GPM6A: variants seen among roughly 807,000 people sequenced by gnomAD.
GPM6A encodes the protein neuronal membrane glycoprotein M6-a.
In GPM6A, 7 loss-of-function variants were observed where a neutral mutation model predicts 32.1. The ratio of observed to expected loss-of-function variants is 0.22; its 90% CI spans 0.12 to 0.41. The LOEUF (loss-of-function observed/expected upper bound fraction) is 0.41, where lower values mean the gene tolerates loss of function less well. Among genes scored for constraint, GPM6A ranks in the 10% least tolerant of loss-of-function variants. The probability of loss-of-function intolerance (pLI) is 1.00; values close to 1 mark genes in which losing one functional copy is unlikely to be tolerated. For synonymous variants in GPM6A, 130 were observed against 123.4 expected, an observed-to-expected ratio of 1.05 and a Z score of -0.35; for missense variants, 235 against 347.2, an observed-to-expected ratio of 0.68 and a Z score of 2.57.
At chr4:175,794,230 T>C (rs1201706219) in intron 1 of GPM6A, among the ~76,000 whole-genome samples, 3 of 152,062 alleles carry the variant, frequency 2.0e-5, no homozygotes, top group Non-Finnish European at 4.4e-5. Context: ...TGTATAGTTA[T>C]TGTGAGGATT....
At chr4:175,893,531 G>C (rs1737708092) in intron 1 of GPM6A, among the ~76,000 whole-genome samples, 1 of 152,046 alleles carries the variant, frequency 6.6e-6, no homozygotes, top group African/African-American at 2.4e-5. Context: ...CCCTTAAGCT[G>C]ACTGCCTTTT....
intron 1 of GPM6A, among the ~76,000 whole-genome samples, chr4:175,706,567 C>G (rs573881069): frequency 6.6e-6 from 1 of 152,294 alleles, no homozygotes; most frequent in Admixed American, 6.5e-5. Context: ...CGGCTGATTG[C>G]TCTTCTCCTG....
intron 1 of GPM6A, among the ~76,000 whole-genome samples, chr4:175,903,072 A>C (rs1738019821): frequency 6.6e-6 from 1 of 152,186 alleles, no homozygotes; most frequent in Admixed American, 6.6e-5. Context: ...ATTAATCTTC[A>C]CTAAAAGAAA....
At position 175,958,264 on chromosome 4, in the gene GPM6A, T is replaced by G. The variant is rs944435088; in HGVS notation, c.-23+44045A>C. Among the ~76,000 whole-genome samples, 3 of 152,216 alleles carry G rather than the reference T, an allele frequency of 2.0e-5. No individual in the cohort carries two copies. The East Asian group carries it at 5.8e-4, about 29-fold the overall frequency. On this transcript the variant is annotated intron_variant, in intron 1 of 7. Coordinates refer to the GPM6A transcript ENST00000280187. ...TTCCTGTAAAATATTAGTTGGGCCATATAAAATACTTGAATGGCATCATTC... is the reference window on the plus strand; with the variant it reads ...TTCCTGTAAAATATTAGTTGGGCCAGATAAAATACTTGAATGGCATCATTC...
chr4:175,764,853 A>G (rs1328860182), intron 1 of GPM6A, among the ~76,000 whole-genome samples: 1 of 141,374 alleles, frequency 7.1e-6, no homozygotes, highest in Non-Finnish European at 1.5e-5. Flanking sequence ...AGGCATTATT[A>G]TTATTATTAT....
intron 1 of GPM6A, among the ~76,000 whole-genome samples, chr4:175,928,561 A>G (rs984130701): frequency 2.6e-5 from 4 of 152,088 alleles, no homozygotes; most frequent in African/African-American, 9.6e-5. Flanking sequence ...GGCTTGGCAC[A>G]AAAGAGGAGT....
At chr4:175,765,558 C>T (rs2581770) in intron 1 of GPM6A, among the ~76,000 whole-genome samples, 37,723 of 151,992 alleles carry the variant, frequency 0.25, 6,571 homozygotes, top group African/African-American at 0.49. Context: ...TTCTAAACAT[C>T]GTAAATATGT....
intron 1 of GPM6A, among the ~76,000 whole-genome samples, chr4:175,954,168 T>C (rs1043153244): frequency 1.3e-5 from 2 of 152,184 alleles, no homozygotes; most frequent in African/African-American, 4.8e-5. Context: ...GCTATTTCAA[T>C]TTGAATAAAC....
In GPM6A at chr4:175,765,637, G is replaced by T. The variant is rs187506835; in HGVS notation, c.37+46554C>A. On this transcript the variant is annotated intron_variant, in intron 1 of 6. Coordinates refer to ENST00000393658, the MANE Select transcript of GPM6A (RefSeq NM_201591.3). ...TATTAGAATTTATTTCTTCAATCTA[G>T]CAGTATTTTTATACCCATATGTCAC... 4.3e-3 allele frequency among the ~76,000 whole-genome samples: 655 copies of T among 152,012 alleles called. 4 individuals carry two copies. Among genetic ancestry groups the T allele is most frequent in the African/African-American group, 0.014 (581 of 41,462 alleles).
chr4:175,812,082 T>C, intron 1 of GPM6A, 109 bp downstream of exon 1: 1 of 792,794 alleles, frequency 1.3e-6, no homozygotes. Flanking sequence ...AGGAACAAAA[T>C]GCCTTCCAAG....
chr4:175,703,196 G>T (rs1744973481), intron 1 of GPM6A, among the ~76,000 whole-genome samples: 1 of 151,778 alleles, frequency 6.6e-6, no homozygotes, highest in African/African-American at 2.4e-5. Flanking sequence ...GTGGAAGATG[G>T]AGTCTCACTC....
intron 1 of GPM6A, among the ~76,000 whole-genome samples, chr4:175,982,776 T>C (rs1037490162): frequency 1.3e-5 from 2 of 152,108 alleles, no homozygotes; most frequent in Non-Finnish European, 2.9e-5. Flanking sequence ...TAAAACTTCT[T>C]GGTGGTATTT....
intron 1 of GPM6A, among the ~76,000 whole-genome samples, chr4:175,741,239 T>C (rs1731876400): frequency 6.6e-6 from 1 of 152,066 alleles, no homozygotes; most frequent in African/African-American, 2.4e-5. Context: ...CTTTTCTCTC[T>C]GTATCTTTCC....
At chr4:175,810,028 G>A (rs1734852667) in intron 1 of GPM6A, among the ~76,000 whole-genome samples, 1 of 152,110 alleles carries the variant, frequency 6.6e-6, no homozygotes, top group South Asian at 2.1e-4. Flanking sequence ...TATTGTTTAA[G>A]AAAATCCTAT....
At chr4:175,988,228 T>G (rs1372358565) in intron 1 of GPM6A, among the ~76,000 whole-genome samples, 3 of 152,190 alleles carry the variant, frequency 2.0e-5, no homozygotes, top group African/African-American at 4.8e-5. Flanking sequence ...GCTGGCTATG[T>G]TTAGCTTAGT....
intron 1 of GPM6A, among the ~76,000 whole-genome samples, chr4:175,788,315 CAAAAG>C (rs1461946203): frequency 2.0e-5 from 3 of 152,020 alleles, no homozygotes; most frequent in Non-Finnish European, 4.4e-5. Context: ...TCAAGAAAAA[CAAAAG>C]GAACAGTAAG....
intron 2 of GPM6A, among the ~76,000 whole-genome samples, chr4:175,690,832 A>G (rs77969436): frequency 0.047 from 7,157 of 152,266 alleles, 199 homozygotes; most frequent in Non-Finnish European, 0.062. Context: ...AAGGATTATA[A>G]TATTGAGGGC....
chr4:175,671,984 G>GAA lies in GPM6A; in HGVS notation c.387+1694_387+1695dup, dbSNP rs773227963. Among the ~76,000 whole-genome samples, 412 of 109,684 alleles carry GAA rather than the reference G, an allele frequency of 3.8e-3. 4 individuals carry two copies. Among genetic ancestry groups the GAA allele is most frequent in the Admixed American group, 7.7e-3 (73 of 9,466 alleles). 72.0% of individuals were successfully genotyped at this position (109,684 alleles called of 152,430 possible). A position where few individuals can be genotyped will look rare whatever the true frequency, so the allele number is the denominator to read the frequency against. ...TGGTGACACAATTGTTACCATTATA[G>GAA]AAAAAAAAAAAAAGAAAGAAAGAAA... On this transcript the variant is annotated intron_variant, in intron 3 of 6. Transcript: ENST00000393658.
intron 1 of GPM6A, among the ~76,000 whole-genome samples, chr4:175,768,608 T>C (rs976431057): frequency 4.0e-5 from 6 of 151,290 alleles, no homozygotes; most frequent in Non-Finnish European, 8.9e-5. Flanking sequence ...AAGGAAAAAA[T>C]GATGCATTGC....
Sources: allele counts gnomAD v4.1 joint callset (sites outside exome capture counted in the v4.1 genomes callset), GRCh38; gene constraint gnomAD v4.1.1; transcripts MANE v1.5; gene names NCBI Gene and HGNC (gene_info 2026-07-23, HGNC 2026-07-21).